The following SMYD3 variants were observed in gnomAD, a reference collection of about 807,000 sequenced individuals.
SMYD3 encodes the protein histone-lysine N-methyltransferase SMYD3.
SMYD3 carries 36 observed loss-of-function variants against 57.7 expected under a neutral mutation model. That is an observed-to-expected ratio of 0.62 (90% confidence interval 0.48 to 0.82). SMYD3 has a LOEUF of 0.82. SMYD3 is among the 40% of genes least tolerant of loss of function. SMYD3 has a pLI of 0.00. For missense variants in SMYD3, 515 were observed against 538.8 expected (o/e 0.96, Z 0.44); for synonymous variants, 211 against 195.0 (o/e 1.08, Z -0.68).
At chr1:246,394,926 T>C (rs905801254) in intron 1 of SMYD3, among the ~76,000 whole-genome samples, 3 of 151,650 alleles carry the variant, frequency 2.0e-5, no homozygotes, top group Non-Finnish European at 4.4e-5. Flanking sequence ...TATGAGAGGC[T>C]CCCGAACTTA....
rs12092828 is a variant in SMYD3, at chr1:245,955,396, C to A, written c.532-25459G>T. Among the ~76,000 whole-genome samples the A allele has an allele frequency of 4.3e-3, 658 of 152,246 alleles. 8 individuals are homozygous for A. Among genetic ancestry groups the A allele is most frequent in the African/African-American group, 0.015 (619 of 41,552 alleles). On this transcript the variant is annotated intron_variant, in intron 5 of 11. Coordinates refer to ENST00000490107, the MANE Select transcript of SMYD3 (RefSeq NM_001167740.2). ...CCTGGCCGCCCATGTGGTTTTATGT[C>A]TTTTCTTTTTTTTTGGCATATGATT...
At chr1:246,044,231 A>T (rs141994704) in intron 5 of SMYD3, among the ~76,000 whole-genome samples, 1 of 152,332 alleles carries the variant, frequency 6.6e-6, no homozygotes, top group African/African-American at 2.4e-5. Context: ...TCATTACCTC[A>T]ATTTAGTTCT....
chr1:246,428,927 T>C (rs1180039902), intron 1 of SMYD3, among the ~76,000 whole-genome samples: 1 of 150,962 alleles, frequency 6.6e-6, no homozygotes, highest in Non-Finnish European at 1.5e-5. Flanking sequence ...TCAGTCTGGC[T>C]CCCCGTCAGG....
chr1:245,799,584 A>T (rs1052490567), intron 10 of SMYD3, among the ~76,000 whole-genome samples: 3 of 152,196 alleles, frequency 2.0e-5, no homozygotes, highest in Non-Finnish European at 4.4e-5. Context: ...ATGCAAACAA[A>T]CATTTTTATG....
At chr1:246,103,444 A>G (rs571508330) in intron 5 of SMYD3, among the ~76,000 whole-genome samples, 27 of 145,420 alleles carry the variant, frequency 1.9e-4, no homozygotes, top group Non-Finnish European at 3.8e-4. Context: ...ATGTAAAAAG[A>G]AAAAAAAAAA....
At chr1:246,211,534 T>C (rs887659419) in intron 5 of SMYD3, among the ~76,000 whole-genome samples, 43 of 139,570 alleles carry the variant, frequency 3.1e-4, no homozygotes, top group African/African-American at 1.1e-3. Context: ...GCAATGTTTC[T>C]ACTAAATTAA....
chr1:246,149,391 G>A (rs1328233887), intron 5 of SMYD3, among the ~76,000 whole-genome samples: 1 of 152,112 alleles, frequency 6.6e-6, no homozygotes, highest in African/African-American at 2.4e-5. Context: ...TCACTCTGCT[G>A]TGACTGATCC....
At chr1:246,223,795 T>C (rs1205290195) in intron 5 of SMYD3, among the ~76,000 whole-genome samples, 2 of 152,158 alleles carry the variant, frequency 1.3e-5, no homozygotes, top group Non-Finnish European at 2.9e-5. Flanking sequence ...CTGACTGGAA[T>C]TGTGTACACT....
At chr1:245,797,793 T>A (rs1344265015) in intron 10 of SMYD3, among the ~76,000 whole-genome samples, 1 of 134,582 alleles carries the variant, frequency 7.4e-6, no homozygotes, top group Non-Finnish European at 1.5e-5. Context: ...TTCAAAGCTA[T>A]GCCAAGACAT....
intron 9 of SMYD3, 41 bp from the exon 10 acceptor site, chr1:245,858,711 G>GA (rs763944374): frequency 3.8e-6 from 6 of 1,576,210 alleles, no homozygotes; most frequent in Non-Finnish European, 5.2e-6. Flanking sequence ...TCTTCATCAA[G>GA]AAAAAAACAA....
chr1:246,249,942 A>T (rs1195508213), intron 5 of SMYD3, among the ~76,000 whole-genome samples: 2 of 152,230 alleles, frequency 1.3e-5, no homozygotes, highest in African/African-American at 4.8e-5. Flanking sequence ...AGTCTGTTCC[A>T]TGTTAGCTTA....
intron 10 of SMYD3, among the ~76,000 whole-genome samples, chr1:245,808,040 A>G (rs1471762889): frequency 1.3e-5 from 2 of 152,170 alleles, no homozygotes; most frequent in Non-Finnish European, 1.5e-5. Context: ...AAAAAAATGT[A>G]AAGGGCGATT....
chr1:245,883,714 CTG>C (rs2052921516), intron 8 of SMYD3, among the ~76,000 whole-genome samples: 1 of 152,172 alleles, frequency 6.6e-6, no homozygotes, highest in Non-Finnish European at 1.5e-5. Flanking sequence ...GGACCTGACA[CTG>C]TAAGAATTTA....
chr1:246,430,093 G>A (rs1282846425), intron 1 of SMYD3, among the ~76,000 whole-genome samples: 6 of 112,896 alleles, frequency 5.3e-5, no homozygotes, highest in African/African-American at 2.1e-4. Context: ...TACGAGAAAC[G>A]GTAACTCCTG....
In SMYD3 at chr1:245,793,057, T is replaced by C. The variant is rs544789987; in HGVS notation, c.1077-28908A>G. ...CAGGCACAGTGGCTCATGCCTGTAA[T>C]CCCAGCACTTTGGGAGGCCGAGGCG... On this transcript the variant is annotated intron_variant, in intron 10 of 11. Coordinates refer to ENST00000490107, the MANE Select transcript of SMYD3 (RefSeq NM_001167740.2). 1.6e-4 allele frequency among the ~76,000 whole-genome samples: 21 copies of C among 129,242 alleles called. No individual in the cohort carries two copies. In the East Asian group the frequency reaches 3.3e-3, roughly 21 times the overall value. 84.8% of individuals were successfully genotyped at this position (129,242 alleles called of 152,430 possible).
chr1:246,057,822 C>A (rs949508563), intron 5 of SMYD3, among the ~76,000 whole-genome samples: 1 of 152,214 alleles, frequency 6.6e-6, no homozygotes, highest in South Asian at 2.1e-4. Flanking sequence ...CAGCTTTATT[C>A]ATAACTCCCC....
At chr1:245,969,004 T>C (rs1233473586) in intron 5 of SMYD3, among the ~76,000 whole-genome samples, 1 of 152,190 alleles carries the variant, frequency 6.6e-6, no homozygotes, top group Non-Finnish European at 1.5e-5. Flanking sequence ...CTGTGTCCTG[T>C]GGAGGCAACC....
intron 5 of SMYD3, among the ~76,000 whole-genome samples, chr1:246,266,002 G>A (rs74959366): frequency 0.031 from 4,763 of 152,262 alleles, 94 homozygotes; most frequent in African/African-American, 0.041. Context: ...CAAAAAAGCA[G>A]GTGCAACTGA....
intron 10 of SMYD3, among the ~76,000 whole-genome samples, chr1:245,803,956 C>T (rs977737736): frequency 5.3e-5 from 8 of 150,650 alleles, no homozygotes; most frequent in Admixed American, 3.3e-4. Flanking sequence ...CTCTGTCGCC[C>T]AGGCTGGAGT....
Sources: gnomAD v4.1 joint callset for allele counts (sites outside exome capture counted in the v4.1 genomes callset) on GRCh38, gnomAD v4.1.1 for gene constraint, MANE v1.5 for transcripts, NCBI Gene and HGNC (gene_info 2026-07-23, HGNC 2026-07-21) for gene names.